Variants in TNRC6B observed in about 807,000 individuals in gnomAD.
The protein encoded by TNRC6B is trinucleotide repeat-containing gene 6B protein.
A neutral mutation model predicts 203.6 loss-of-function variants in TNRC6B; 52 were observed. That is an observed-to-expected ratio of 0.26 (90% CI 0.20 to 0.32). The LOEUF is 0.32. Ranked by LOEUF, TNRC6B falls within the 10% of genes least tolerant of loss-of-function variation. The pLI is 1.00. For missense variants in TNRC6B, 1,923 were observed against 2,286.2 expected (o/e 0.84, Z 3.24); for synonymous variants, 838 against 845.7 (o/e 0.99, Z 0.16).
chr22:40,067,112 C>T (rs1432903105), intron 1 of TNRC6B, among the ~76,000 whole-genome samples: 2 of 151,988 alleles, frequency 1.3e-5, no homozygotes, highest in Admixed American at 6.6e-5. Context: ...CCATGTTGCC[C>T]AGGCTAGAAT....
chr22:40,185,083 C>T (rs567072419), intron 1 of TNRC6B, among the ~76,000 whole-genome samples: 4 of 152,296 alleles, frequency 2.6e-5, no homozygotes, highest in South Asian at 2.1e-4. Context: ...CTCTGCCTCC[C>T]GGGTTCAAGC....
At chr22:40,160,710 G>A (rs911928336) in intron 4 of TNRC6B, among the ~76,000 whole-genome samples, 3 of 151,870 alleles carry the variant, frequency 2.0e-5, no homozygotes, top group Non-Finnish European at 2.9e-5. Context: ...CTACAGGCAC[G>A]CACTACCAAG....
chr22:40,145,604 G>A (rs2068687358), intron 3 of TNRC6B, among the ~76,000 whole-genome samples: 1 of 152,182 alleles, frequency 6.6e-6, no homozygotes, highest in South Asian at 2.1e-4. Flanking sequence ...AGCACTTTGG[G>A]AGGCTAAGGC....
At chr22:40,059,903 A>G (rs1335605572) in intron 1 of TNRC6B, among the ~76,000 whole-genome samples, 5 of 140,880 alleles carry the variant, frequency 3.5e-5, no homozygotes, top group Non-Finnish European at 6.1e-5. Context: ...GCTCACTGCA[A>G]CCTCCGCCTC....
chr22:40,219,488 G>A (rs189242649), intron 1 of TNRC6B, among the ~76,000 whole-genome samples: 141 of 152,272 alleles, frequency 9.3e-4, no homozygotes, highest in Non-Finnish European at 5.6e-4. Flanking sequence ...GATGAGTTCT[G>A]GAAAGGATAG....
At chr22:40,081,844 G>A (rs1027539699) in intron 1 of TNRC6B, among the ~76,000 whole-genome samples, 3 of 151,686 alleles carry the variant, frequency 2.0e-5, no homozygotes, top group Non-Finnish European at 4.4e-5. Context: ...ACTTAGCCAA[G>A]AGCCTAGCCG....
chr22:40,258,293 C>T (rs1291536683), intron 3 of TNRC6B, among the ~76,000 whole-genome samples: 1 of 151,952 alleles, frequency 6.6e-6, no homozygotes, highest in Admixed American at 6.6e-5. Flanking sequence ...TTAATGATAG[C>T]TTCTCTTGCC....
intron 4 of TNRC6B, among the ~76,000 whole-genome samples, chr22:40,170,866 T>C (rs1317130282): frequency 4.8e-5 from 6 of 125,042 alleles, no homozygotes; most frequent in Admixed American, 4.3e-4. Context: ...TATATACATA[T>C]ATGTACATAT....
intron 11 of TNRC6B, among the ~76,000 whole-genome samples, chr22:40,282,769 G>C (rs1163695631): frequency 6.6e-6 from 1 of 152,088 alleles, no homozygotes; most frequent in East Asian, 1.9e-4. Context: ...TTTTCTTACA[G>C]AATTATTTTA....
intron 1 of TNRC6B, among the ~76,000 whole-genome samples, chr22:40,109,030 A>G (rs2068310981): frequency 6.7e-6 from 1 of 148,442 alleles, no homozygotes; most frequent in Non-Finnish European, 1.5e-5. Context: ...GAGAATATGC[A>G]GTGTTTGATT....
At chr22:40,143,833 T>C (rs1045683625) in intron 3 of TNRC6B, among the ~76,000 whole-genome samples, 2 of 152,118 alleles carry the variant, frequency 1.3e-5, no homozygotes, top group African/African-American at 4.8e-5. Flanking sequence ...GCAATACATC[T>C]TTCTAATAAA....
At chr22:40,085,974 G>T (rs1169315616) in intron 1 of TNRC6B, among the ~76,000 whole-genome samples, 1 of 152,026 alleles carries the variant, frequency 6.6e-6, no homozygotes, top group Non-Finnish European at 1.5e-5. Flanking sequence ...GGGCTCAGGT[G>T]ATCCTCCCAC....
At chr22:40,303,830 G>A (rs2071056294) in intron 15 of TNRC6B, among the ~76,000 whole-genome samples, 1 of 152,172 alleles carries the variant, frequency 6.6e-6, no homozygotes, top group Non-Finnish European at 1.5e-5. Flanking sequence ...AAAATAGCTT[G>A]AACCCAGGCG....
intron 1 of TNRC6B, among the ~76,000 whole-genome samples, chr22:40,234,641 G>T (rs771656142): frequency 1.3e-5 from 2 of 152,158 alleles, no homozygotes; most frequent in African/African-American, 2.4e-5. Flanking sequence ...ACATATAAAA[G>T]TGTTACCTAT....
At chr22:40,208,935 T>C (rs914407101) in intron 1 of TNRC6B, among the ~76,000 whole-genome samples, 1 of 152,212 alleles carries the variant, frequency 6.6e-6, no homozygotes, top group Admixed American at 6.5e-5. Flanking sequence ...TTGAGAGGCG[T>C]CTGCCTCTGT....
At chr22:40,288,968 C>T (rs1303823284) in intron 12 of TNRC6B, among the ~76,000 whole-genome samples, 1 of 151,342 alleles carries the variant, frequency 6.6e-6, no homozygotes, top group Non-Finnish European at 1.5e-5. Context: ...CATGCGCCAC[C>T]ACGCCTGGCT....
intron 8 of TNRC6B, among the ~76,000 whole-genome samples, chr22:40,277,681 T>C (rs739183): frequency 0.64 from 97,157 of 152,120 alleles, 34,747 homozygotes; most frequent in East Asian, 0.99. Context: ...TATTTGGCGG[T>C]CACTCATGGA....
At chr22:40,058,831 G>T (rs898823235) in intron 1 of TNRC6B, among the ~76,000 whole-genome samples, 1 of 152,046 alleles carries the variant, frequency 6.6e-6, no homozygotes, top group East Asian at 1.9e-4. Flanking sequence ...TTTGGACTTT[G>T]ACCTTCTCAT....
rs547159117 is a variant in TNRC6B, at chr22:40,133,079, A to G, written c.45+7217A>G. Among the ~76,000 whole-genome samples, 169 of 147,920 alleles carry G rather than the reference A, an allele frequency of 1.1e-3. 1 individual carries two copies. Among genetic ancestry groups the G allele is most frequent in the Non-Finnish European group, 2.1e-3 (139 of 67,394 alleles). On this transcript the variant is annotated intron_variant, in intron 3 of 23. Coordinates refer to the TNRC6B transcript ENST00000301923. ...ATTCATGTGACCTATTTTATTTGGC[A>G]TTTATGTGCTTATATTATCACACTG...
Sources: gnomAD v4.1 joint callset for allele counts (sites outside exome capture counted in the v4.1 genomes callset) on GRCh38, gnomAD v4.1.1 for gene constraint, MANE v1.5 for transcripts, NCBI Gene and HGNC (gene_info 2026-07-23, HGNC 2026-07-21) for gene names.